ERC1: variants seen among roughly 807,000 people sequenced by gnomAD.
ERC1 encodes the protein ELKS/RAB6-interacting/CAST family member 1.
ERC1 carries 56 observed loss-of-function variants against 132.0 expected under a neutral mutation model. The observed-to-expected ratio is 0.42, with a 90% CI of 0.34 to 0.53. ERC1 has a LOEUF of 0.53. ERC1 is among the 20% of genes least tolerant of loss of function. The probability of loss-of-function intolerance (pLI) is 0.03; values close to 1 mark genes in which losing one functional copy is unlikely to be tolerated. For synonymous variants in ERC1, 478 were observed against 476.1 expected, an observed-to-expected ratio of 1.00 and a Z score of -0.05; for missense variants, 1,202 against 1,349.9, an observed-to-expected ratio of 0.89 and a Z score of 1.72.
intron 16 of ERC1, among the ~76,000 whole-genome samples, chr12:1,373,343 T>C (rs551251827): frequency 1.2e-4 from 19 of 152,344 alleles, no homozygotes; most frequent in African/African-American, 4.6e-4. Context: ...CTTGAATACA[T>C]AGGCCTATGA....
chr12:1,140,814 A>G (rs561430504), intron 7 of ERC1, among the ~76,000 whole-genome samples: 1 of 152,278 alleles, frequency 6.6e-6, no homozygotes, highest in Admixed American at 6.5e-5. Flanking sequence ...ATTAGATATC[A>G]AAGAGTTAGT....
Position 1,115,919 on chromosome 12 carries a change from G to A in ERC1, c.1455G>A (p.Leu485=). Residue 485 remains leucine (L), a synonymous_variant, in exon 7 of 19, where the codon CTG becomes CTA. Coordinates refer to ENST00000360905, the MANE Select transcript of ERC1 (RefSeq NM_178040.4). Reference sequence around the variant, plus strand: ...GAAAGGACACAGAACTACTCGCCCTGCAGACAAAGCTAGAAACACTCACAA... The same window carrying A: ...GAAAGGACACAGAACTACTCGCCCTACAGACAAAGCTAGAAACACTCACAA... ...LSRKDTELLA[L]QTKLETLTNQ... The A allele has an allele frequency of 1.2e-6, 2 of 1,614,092 alleles. No homozygotes were observed. Among genetic ancestry groups the A allele is most frequent in the Non-Finnish European group, 8.5e-7 (1 of 1,179,970 alleles).
intron 15 of ERC1, among the ~76,000 whole-genome samples, chr12:1,315,481 T>C (rs1268824671): frequency 6.6e-6 from 1 of 151,640 alleles, no homozygotes; most frequent in Non-Finnish European, 1.5e-5. Context: ...CTCCCAAGTA[T>C]CTGGGATTAC....
chr12:1,437,355 A>G (rs761947607), intron 17 of ERC1, among the ~76,000 whole-genome samples: 1 of 152,176 alleles, frequency 6.6e-6, no homozygotes, highest in Non-Finnish European at 1.5e-5. Flanking sequence ...CTGTATATAC[A>G]TGTTCACCCA....
chr12:1,316,969 G>A (rs2081782439), intron 15 of ERC1, among the ~76,000 whole-genome samples: 1 of 152,050 alleles, frequency 6.6e-6, no homozygotes, highest in Non-Finnish European at 1.5e-5. Flanking sequence ...AGACCAGCCT[G>A]GCCAACATGG....
chr12:1,150,421 A>G (rs1263394564), intron 8 of ERC1, among the ~76,000 whole-genome samples: 1 of 152,222 alleles, frequency 6.6e-6, no homozygotes, highest in Non-Finnish European at 1.5e-5. Flanking sequence ...TTTATCTTCA[A>G]ACCATTACAT....
At position 1,404,454 on chromosome 12, in the gene ERC1, C is replaced by T. The variant is rs138489231; in HGVS notation, c.2926-3695C>T. Reference sequence around the variant, plus strand: ...AGATAACAGTTCTATATGAAAAAATCGATAGTTGGTCTCACAAGCAAAGTG... The same window carrying T: ...AGATAACAGTTCTATATGAAAAAATTGATAGTTGGTCTCACAAGCAAAGTG... On this transcript the variant is annotated intron_variant, in intron 16 of 18. Transcript: ENST00000360905. 1.0e-3 allele frequency among the ~76,000 whole-genome samples: 150 copies of T among 150,510 alleles called. 1 individual carries two copies. The highest frequency in any genetic ancestry group is 3.2e-3 in the Admixed American group (49 of 15,120).
At chr12:1,104,925 T>G in intron 4 of ERC1, 101 bp downstream of exon 4, 2 of 705,804 alleles carry the variant, frequency 2.8e-6, no homozygotes, top group South Asian at 3.4e-5. Flanking sequence ...GTAATAGTAT[T>G]TCACTTATTT....
intron 8 of ERC1, among the ~76,000 whole-genome samples, chr12:1,153,972 T>C (rs1438894101): frequency 2.6e-5 from 4 of 152,152 alleles, no homozygotes; most frequent in Non-Finnish European, 5.9e-5. Flanking sequence ...ATAGGTAATT[T>C]TTCATTTCTC....
rs1204758092 is a variant in ERC1 at position 1,416,629 on chromosome 12, TC to T, written c.3024+8383del. On this transcript the variant is annotated intron_variant, in intron 17 of 18. Transcript: ENST00000360905. ...CAGCTGCCTTTGGACGTTGTCTGAA[TC>T]ACTGTCTTCTAAGTTGATTGTCCCT... Among the ~76,000 whole-genome samples the T allele has an allele frequency of 2.0e-5, 3 of 152,362 alleles. No homozygotes were observed. In the East Asian group the frequency reaches 5.8e-4, roughly 29 times the overall value.
intron 17 of ERC1, among the ~76,000 whole-genome samples, chr12:1,410,805 G>A (rs2091801114): frequency 6.6e-6 from 1 of 151,604 alleles, no homozygotes; most frequent in African/African-American, 2.4e-5. Flanking sequence ...AAGGTTTATA[G>A]TAATTTTATA....
chr12:1,356,199 C>CA lies in ERC1; in HGVS notation c.2781-15620dup, dbSNP rs559125501. Among the ~76,000 whole-genome samples, 404 of 110,574 alleles carry CA rather than the reference C, an allele frequency of 3.7e-3. 1 individual carries two copies. The highest frequency in any genetic ancestry group is 5.1e-3 in the Non-Finnish European group (258 of 50,730). 72.5% of individuals were successfully genotyped at this position (110,574 alleles called of 152,430 possible). A position where few individuals can be genotyped will look rare whatever the true frequency, so the allele number is the denominator to read the frequency against. ...TGCCTAGGTGACAAAGTGAGACTGT[C>CA]AAAAAAAAAAAAAAGTGTGTGTGTG... On this transcript the variant is annotated intron_variant, in intron 15 of 18. Transcript: ENST00000360905.
rs112389600 is a variant in ERC1 at position 1,220,840 on chromosome 12, T to G, written c.2352-15929T>G. 9.9e-3 allele frequency among the ~76,000 whole-genome samples: 1,501 copies of G among 152,328 alleles called. 15 individuals are homozygous for G. The highest frequency in any genetic ancestry group is 0.023 in the Admixed American group (353 of 15,298). ...GGCCCTCATTACCTGCCTTCCTCATTAGTGGCCTGCTGCATCTGTCTGCTT... is the reference window on the plus strand; with the variant it reads ...GGCCCTCATTACCTGCCTTCCTCATGAGTGGCCTGCTGCATCTGTCTGCTT... On this transcript the variant is annotated intron_variant, in intron 12 of 18. Transcript: ENST00000360905.
At chr12:1,135,859 T>A (rs1228401866) in intron 7 of ERC1, among the ~76,000 whole-genome samples, 5 of 152,220 alleles carry the variant, frequency 3.3e-5, no homozygotes, top group Admixed American at 3.3e-4. Flanking sequence ...AGCCACCTGG[T>A]TTGTGGTCCT....
At chr12:1,186,380 C>T (rs1955096787) in intron 11 of ERC1, among the ~76,000 whole-genome samples, 1 of 152,176 alleles carries the variant, frequency 6.6e-6, no homozygotes, top group Non-Finnish European at 1.5e-5. Flanking sequence ...GGAACAAAAT[C>T]TTTGCCTCCA....
chr12:1,044,487 C>T (rs988759369), intron 2 of ERC1, among the ~76,000 whole-genome samples: 1 of 152,070 alleles, frequency 6.6e-6, no homozygotes, highest in Non-Finnish European at 1.5e-5. Flanking sequence ...TGAATTTCAT[C>T]AGTTGACAAA....
chr12:994,095 A>AAAAAAAG (rs1960275615), intron 1 of ERC1, among the ~76,000 whole-genome samples: 2 of 138,414 alleles, frequency 1.4e-5, no homozygotes, highest in African/African-American at 2.5e-5. Context: ...AAAAAAAAAA[A>AAAAAAAG]GTGAAGGTTT....
chr12:1,340,028 A>T (rs2083680839), intron 15 of ERC1, among the ~76,000 whole-genome samples: 1 of 152,144 alleles, frequency 6.6e-6, no homozygotes, highest in Non-Finnish European at 1.5e-5. Context: ...GCCTGGGGGA[A>T]GCTGTAATGT....
At chr12:1,461,993 G>C (rs2093654572) in intron 18 of ERC1, among the ~76,000 whole-genome samples, 1 of 152,022 alleles carries the variant, frequency 6.6e-6, no homozygotes. Context: ...TTAAAAGTCA[G>C]TAACAAAAGA....
Sources: allele counts gnomAD v4.1 joint callset (sites outside exome capture counted in the v4.1 genomes callset), GRCh38; gene constraint gnomAD v4.1.1; transcripts MANE v1.5; gene names NCBI Gene and HGNC (gene_info 2026-07-23, HGNC 2026-07-21).